GSDMC: variants seen among roughly 807,000 people sequenced by gnomAD.
GSDMC encodes the protein gasdermin C.
A neutral mutation model predicts 58.0 loss-of-function variants in GSDMC; 59 were observed. The observed-to-expected ratio is 1.02, with a 90% confidence interval of 0.82 to 1.26. The LOEUF (loss-of-function observed/expected upper bound fraction) is 1.26. GSDMC is among the 50% of genes most tolerant of loss of function. The pLI, the probability that GSDMC is intolerant of heterozygous loss-of-function variation, is 0.00. For synonymous variants in GSDMC, 241 were observed against 220.2 expected (o/e 1.09, Z -0.83); for missense variants, 659 against 598.5 (o/e 1.10, Z -1.06).
intron 1 of GSDMC, among the ~76,000 whole-genome samples, chr8:129,780,218 A>T (rs986843520): frequency 6.6e-6 from 1 of 152,200 alleles, no homozygotes; most frequent in African/African-American, 2.4e-5. Context: ...AGATAGGTGT[A>T]GAAAGTTTAT....
At chr8:129,762,882 C>T (rs2033721652) in intron 4 of GSDMC, 151 bp from the exon 5 acceptor site, 2 of 562,944 alleles carry the variant, frequency 3.6e-6, no homozygotes, top group Admixed American at 6.5e-5. Context: ...CTCTTTCTTC[C>T]TTATTTCATC....
At chr8:129,747,522 A>C (rs2032993403), downstream of GSDMC, among the ~76,000 whole-genome samples, 1 of 152,176 alleles carries the variant, frequency 6.6e-6, no homozygotes, top group Admixed American at 6.5e-5. Flanking sequence ...GTCATGTGAA[A>C]ATGTCAGCCA....
the GSDMC span, among the ~76,000 whole-genome samples, chr8:129,708,128 G>GT: frequency 6.6e-6 from 1 of 152,156 alleles, no homozygotes; most frequent in African/African-American, 2.4e-5. Flanking sequence ...CTTACAAAAC[G>GT]TAAGTTCAAA....
At chr8:129,752,892 G>C (rs747036496) in intron 6 of GSDMC, 72 bp from the exon 7 acceptor site, 149 of 1,604,084 alleles carry the variant, frequency 9.3e-5, no homozygotes, top group Non-Finnish European at 1.2e-4. Context: ...TCATAGCAGA[G>C]AGCAGAGCCA....
chr8:129,740,995 T>C, the GSDMC span, among the ~76,000 whole-genome samples: 1 of 152,192 alleles, frequency 6.6e-6, no homozygotes, highest in Non-Finnish European at 1.5e-5. Flanking sequence ...TTAAGTCTTT[T>C]ATCCGTTTTG....
chr8:129,738,681 G>A, the GSDMC span, among the ~76,000 whole-genome samples: 2 of 152,136 alleles, frequency 1.3e-5, no homozygotes, highest in Non-Finnish European at 2.9e-5. Flanking sequence ...GGGAGGGATA[G>A]CATTAGGAGA....
At chr8:129,760,614 T>C (rs778629170) in intron 5 of GSDMC, 25 bp from the exon 6 acceptor site, 20 of 1,514,344 alleles carry the variant, frequency 1.3e-5, no homozygotes, top group East Asian at 2.2e-5. Context: ...AGAACTTCCA[T>C]TAGGAGAGTT....
the GSDMC span, among the ~76,000 whole-genome samples, chr8:129,736,476 G>A: frequency 6.6e-6 from 1 of 152,154 alleles, no homozygotes; most frequent in East Asian, 1.9e-4. Flanking sequence ...ATGCAAGGCT[G>A]GTTCAACATA....
At chr8:129,741,193 A>G in the GSDMC span, among the ~76,000 whole-genome samples, 1 of 151,894 alleles carries the variant, frequency 6.6e-6, no homozygotes, top group Non-Finnish European at 1.5e-5. Context: ...ATCCTGTTCC[A>G]TTGGCCAATT....
intron 4 of GSDMC, among the ~76,000 whole-genome samples, chr8:129,765,168 G>A (rs1295879046): frequency 1.3e-5 from 2 of 152,068 alleles, no homozygotes; most frequent in South Asian, 4.1e-4. Context: ...ACTCATGTCA[G>A]TCACATGTGC....
the GSDMC span, among the ~76,000 whole-genome samples, chr8:129,718,945 A>C: frequency 6.6e-6 from 1 of 152,186 alleles, no homozygotes. Flanking sequence ...AGAAAACAAA[A>C]CACCACATGT....
the GSDMC span, among the ~76,000 whole-genome samples, chr8:129,711,523 A>G: frequency 6.6e-6 from 1 of 152,182 alleles, no homozygotes; most frequent in Non-Finnish European, 1.5e-5. Context: ...GTCTTTACAC[A>G]TGAAGTGTGA....
At chr8:129,741,134 G>A in the GSDMC span, among the ~76,000 whole-genome samples, 1 of 152,038 alleles carries the variant, frequency 6.6e-6, no homozygotes, top group African/African-American at 2.4e-5. Context: ...TGGCACTTTT[G>A]TTGAAAATCA....
rs1016268527 is a variant in GSDMC at position 129,758,853 on chromosome 8, GA to G, written c.721+1691del. ...ACACCAATGACATTCTTCACAGTAAGAAAAAAAAATTCTAAAATTCATATGG... is the reference window on the plus strand; with the variant it reads ...ACACCAATGACATTCTTCACAGTAAGAAAAAAAATTCTAAAATTCATATGG... On this transcript the variant is annotated intron_variant, in intron 6 of 13. Coordinates refer to ENST00000276708, the MANE Select transcript of GSDMC (RefSeq NM_031415.3). Among the ~76,000 whole-genome samples, 5 of 151,110 alleles carry G rather than the reference GA, an allele frequency of 3.3e-5. No homozygotes were observed. The South Asian group carries it at 6.3e-4, about 19-fold the overall frequency.
At chr8:129,706,616 G>C in the GSDMC span, 1 of 152,160 alleles carries the variant, frequency 6.6e-6, no homozygotes, top group Non-Finnish European at 1.5e-5. Flanking sequence ...TCTGTGGAAG[G>C]AATGATGGAA....
chr8:129,730,520 C>T, the GSDMC span: 3 of 488,662 alleles, frequency 6.1e-6, no homozygotes, highest in African/African-American at 2.0e-5. Context: ...GTAAAAATAC[C>T]ATTATTCTCT....
chr8:129,781,560 C>T (rs144449702), intron 1 of GSDMC, among the ~76,000 whole-genome samples: 2,545 of 152,126 alleles, frequency 0.017, 79 homozygotes, highest in African/African-American at 0.058. Flanking sequence ...CTGGCTAACA[C>T]GGTGAAACCC....
intron 9 of GSDMC, 119 bp from the exon 10 acceptor site, chr8:129,751,687 C>T: frequency 9.1e-7 from 1 of 1,097,976 alleles, no homozygotes; most frequent in East Asian, 2.4e-5. Context: ...TCTTCCTGCC[C>T]CCATTCCCAT....
At chr8:129,774,358 ACT>A (rs1047818290) in intron 3 of GSDMC, among the ~76,000 whole-genome samples, 1 of 152,106 alleles carries the variant, frequency 6.6e-6, no homozygotes, top group African/African-American at 2.4e-5. Context: ...CATGCAAAAG[ACT>A]GAAACTAGGT....
Sources: allele counts gnomAD v4.1 joint callset (sites outside exome capture counted in the v4.1 genomes callset), GRCh38; gene constraint gnomAD v4.1.1; transcripts MANE v1.5; gene names NCBI Gene and HGNC (gene_info 2026-07-23, HGNC 2026-07-21).